Variants in HELZ observed in about 807,000 individuals in gnomAD.
HELZ encodes the protein helicase with zinc finger, also known as ATP-dependent RNA helicase with zinc finger domain.
Under a neutral mutation model 218.2 loss-of-function variants are expected in HELZ, and 23 were observed. The ratio of observed to expected loss-of-function variants is 0.11; its 90% confidence interval spans 0.08 to 0.15. HELZ has a LOEUF of 0.15. Ranked by LOEUF, HELZ falls within the 10% of genes least tolerant of loss-of-function variation. The pLI, the probability that HELZ is intolerant of heterozygous loss-of-function variation, is 1.00. For missense variants in HELZ, 1,813 were observed against 2,353.7 expected (o/e 0.77, Z 4.75); for synonymous variants, 814 against 829.4 (o/e 0.98, Z 0.32).
intron 2 of HELZ, among the ~76,000 whole-genome samples, chr17:67,241,967 C>A (rs1034345348): frequency 1.3e-5 from 2 of 152,216 alleles, no homozygotes; most frequent in Non-Finnish European, 2.9e-5. Context: ...TGTGTGAGAA[C>A]TGTGGAAAAT....
upstream of HELZ, chr17:67,245,647 A>G: frequency 2.4e-6 from 1 of 421,462 alleles, no homozygotes; most frequent in Non-Finnish European, 3.2e-6. Context: ...TCGCCTTCAG[A>G]GGCCGCGCAG....
intron 5 of HELZ, among the ~76,000 whole-genome samples, chr17:67,208,098 A>G (rs191775337): frequency 2.6e-5 from 4 of 152,342 alleles, no homozygotes; most frequent in Admixed American, 1.3e-4. Context: ...TTCCATTTCT[A>G]TAACACTCTC....
At chr17:67,082,514 T>C (rs1042711488) in intron 32 of HELZ, among the ~76,000 whole-genome samples, 4 of 152,202 alleles carry the variant, frequency 2.6e-5, no homozygotes, top group South Asian at 2.1e-4. Flanking sequence ...GTTTTAGCTT[T>C]AGTATTTTAT....
In HELZ at chr17:67,123,018, A is replaced by G. The variant is rs373156482; in HGVS notation, c.3582T>C (p.Tyr1194=). The change falls in exon 26 of 33, where the codon TAT becomes TAC. Residue 1194 remains tyrosine, a synonymous_variant. Transcript: ENST00000358691. ...CATTCCCTCCATAGACAGCAGGTAC[A>G]TAAAGAATACTTGTCCCAGTGTGAG... The part of the protein sequence containing the change: ...IDPHTGTSIL[Y]VPAVYGGNVV... 3.6e-5 allele frequency: 58 copies of G among 1,613,720 alleles called. No homozygotes were observed. The highest frequency in any genetic ancestry group is 4.7e-5 in the Non-Finnish European group (56 of 1,179,724).
chr17:67,203,273 T>C (rs1412003357), intron 6 of HELZ, 46 bp downstream of exon 6: 10 of 1,593,772 alleles, frequency 6.3e-6, no homozygotes, highest in Non-Finnish European at 8.6e-6. Context: ...AGGAATCAAA[T>C]AAAAATTTGT....
At chr17:67,099,372 G>A (rs1374291605) in intron 31 of HELZ, among the ~76,000 whole-genome samples, 2 of 126,908 alleles carry the variant, frequency 1.6e-5, no homozygotes, top group African/African-American at 6.1e-5. Flanking sequence ...CATTTACCCT[G>A]CCAGAGAGAT....
chr17:67,195,472 T>C lies in HELZ; in HGVS notation c.430-2A>G. On this transcript the variant is annotated splice_acceptor_variant, in intron 7 of 32. Transcript: ENST00000358691. LOFTEE classifies it high-confidence loss of function. The stretch of plus-strand genomic sequence containing the variant: ...AGAGAGGGCGTTACTAGTTGCTGTC[T>C]GCAATTTTCCAAATGAAAGAATTTT... 6.3e-7 allele frequency: 1 copy of C among 1,589,208 alleles called. No homozygotes were observed. The highest frequency in any genetic ancestry group is 8.6e-7 in the Non-Finnish European group (1 of 1,158,032).
chr17:67,150,170 C>CT (rs2038638694), intron 18 of HELZ, 185 bp from the exon 19 acceptor site: 1 of 358,412 alleles, frequency 2.8e-6, no homozygotes, highest in Non-Finnish European at 4.7e-6. Flanking sequence ...GGGTGTCACT[C>CT]TGTCTCCCAG....
chr17:67,181,256 T>G (rs1598382384), intron 12 of HELZ, among the ~76,000 whole-genome samples: 1 of 152,220 alleles, frequency 6.6e-6, no homozygotes, highest in South Asian at 2.1e-4. Flanking sequence ...AGTCACTAGT[T>G]ATTCCTAACT....
chr17:67,130,128 GT>G (rs1261548036), intron 23 of HELZ, among the ~76,000 whole-genome samples: 2 of 152,136 alleles, frequency 1.3e-5, no homozygotes, highest in Admixed American at 6.5e-5. Flanking sequence ...ATCTTTCCTA[GT>G]TTTTTGAAGA....
At position 67,212,314 on chromosome 17, in the gene HELZ, C is replaced by CAAAAAAAAAAAAAAAAAAAA. The variant is rs10692832; in HGVS notation, c.247+3565_247+3584dup. On this transcript the variant is annotated intron_variant, in intron 5 of 32. Transcript: ENST00000358691. ...TGGGCGACAGGGAGAGACACCATCTCAAAAAAAAAAAAAAAAAAAAAGGCT... is the reference window on the plus strand; with the variant it reads ...TGGGCGACAGGGAGAGACACCATCTCAAAAAAAAAAAAAAAAAAAAAAAAAAAAAAAAAAAAAAAAAGGCT... Among the ~76,000 whole-genome samples the CAAAAAAAAAAAAAAAAAAAA allele has an allele frequency of 1.1e-3, 24 of 21,404 alleles. 8 individuals carry two copies. Among genetic ancestry groups the CAAAAAAAAAAAAAAAAAAAA allele is most frequent in the South Asian group, 4.4e-3 (1 of 228 alleles). The allele number at this position is 21,404 out of a possible 152,430, so 14.0% of individuals were successfully genotyped here.
At chr17:67,131,770 T>G (rs1455958160) in intron 23 of HELZ, among the ~76,000 whole-genome samples, 1 of 152,148 alleles carries the variant, frequency 6.6e-6, no homozygotes, top group Non-Finnish European at 1.5e-5. Context: ...GTGTCTCACT[T>G]CTAAACTTTC....
intron 12 of HELZ, among the ~76,000 whole-genome samples, chr17:67,180,877 CAAAAAAAAAA>C (rs1019801835): frequency 2.4e-5 from 1 of 41,902 alleles, no homozygotes; most frequent in African/African-American, 9.4e-5. Flanking sequence ...GACTCCATCT[CAAAAAAAAAA>C]AAAAAAAAAA....
At chr17:67,148,829 C>T in intron 19 of HELZ, 115 bp from the exon 20 acceptor site, 2 of 912,712 alleles carry the variant, frequency 2.2e-6, no homozygotes, top group East Asian at 5.1e-5. Flanking sequence ...CTTCAACATG[C>T]TAAATGCTGG....
At chr17:67,167,320 G>T (rs1019093365) in intron 14 of HELZ, 143 bp downstream of exon 14, 2 of 587,216 alleles carry the variant, frequency 3.4e-6, no homozygotes, top group South Asian at 2.5e-5. Context: ...GTTACTACAG[G>T]TGCAATTTTC....
chr17:67,083,774 T>C (rs2036270344), intron 32 of HELZ, among the ~76,000 whole-genome samples: 1 of 152,220 alleles, frequency 6.6e-6, no homozygotes, highest in Admixed American at 6.5e-5. Context: ...GAGGAGGGAT[T>C]CCCCACCCTC....
At chr17:67,081,504 C>T (rs2036188255) in intron 32 of HELZ, among the ~76,000 whole-genome samples, 1 of 152,196 alleles carries the variant, frequency 6.6e-6, no homozygotes, top group African/African-American at 2.4e-5. Context: ...GGTACAGTGT[C>T]TAAACTGCAC....
chr17:67,215,240 T>A (rs888190397), intron 5 of HELZ, among the ~76,000 whole-genome samples: 5 of 152,328 alleles, frequency 3.3e-5, no homozygotes, highest in African/African-American at 1.2e-4. Flanking sequence ...GGAAAGACAT[T>A]TTAGGAGGGA....
intron 27 of HELZ, among the ~76,000 whole-genome samples, chr17:67,117,530 C>T (rs936179739): frequency 6.6e-6 from 1 of 150,932 alleles, no homozygotes; most frequent in Non-Finnish European, 1.5e-5. Flanking sequence ...AAAATATGTG[C>T]AAAGACTGTA....
Sources: allele counts gnomAD v4.1 joint callset (sites outside exome capture counted in the v4.1 genomes callset), GRCh38; gene constraint gnomAD v4.1.1; transcripts MANE v1.5; gene names NCBI Gene and HGNC (gene_info 2026-07-23, HGNC 2026-07-21).